The following FGF12 variants were observed in gnomAD, a reference collection of about 807,000 sequenced individuals.
FGF12 encodes fibroblast growth factor 12.
Under a neutral mutation model 23.6 loss-of-function variants are expected in FGF12, and 14 were observed. The ratio of observed to expected loss-of-function variants is 0.59; its 90% CI spans 0.39 to 0.93. FGF12 has a LOEUF of 0.93. Among genes scored for constraint, FGF12 ranks in the 40% least tolerant of loss-of-function variants. FGF12 has a pLI of 0.00. For missense variants in FGF12, 175 were observed against 217.8 expected (o/e 0.80, Z 1.24); for synonymous variants, 62 against 77.3 (o/e 0.80, Z 1.04).
chr3:192,681,912 A>G (rs1021573127), intron 2 of FGF12, among the ~76,000 whole-genome samples: 2 of 152,180 alleles, frequency 1.3e-5, no homozygotes, highest in African/African-American at 2.4e-5. Context: ...TGCCCCAAGA[A>G]AAAAACACAC....
At chr3:192,276,699 C>G (rs780117279) in intron 4 of FGF12, among the ~76,000 whole-genome samples, 14 of 152,106 alleles carry the variant, frequency 9.2e-5, no homozygotes, top group Non-Finnish European at 2.1e-4. Context: ...CCCCATTTCC[C>G]TGAAGCCAGC....
chr3:192,288,136 A>G (rs1714558773), intron 4 of FGF12, among the ~76,000 whole-genome samples: 1 of 152,124 alleles, frequency 6.6e-6, no homozygotes, highest in Admixed American at 6.6e-5. Flanking sequence ...GGTAGAAGTG[A>G]CAAGTTTTCA....
At chr3:192,667,659 G>A (rs891482508) in intron 2 of FGF12, among the ~76,000 whole-genome samples, 6 of 150,606 alleles carry the variant, frequency 4.0e-5, no homozygotes, top group Non-Finnish European at 8.9e-5. Flanking sequence ...GCAAAGAGAC[G>A]GAGTGAGGGG....
chr3:192,426,943 ATACT>A (rs1185603485), intron 2 of FGF12, among the ~76,000 whole-genome samples: 1 of 152,214 alleles, frequency 6.6e-6, no homozygotes, highest in Non-Finnish European at 1.5e-5. Flanking sequence ...GGAAATAAAA[ATACT>A]TACTGATACG....
intron 2 of FGF12, among the ~76,000 whole-genome samples, chr3:192,483,424 G>GT (rs1368380819): frequency 1.3e-5 from 2 of 151,870 alleles, no homozygotes; most frequent in African/African-American, 4.8e-5. Context: ...ACAGCCACAC[G>GT]TAAAAAAAAT....
At chr3:192,302,759 T>C (rs1377058901) in intron 4 of FGF12, among the ~76,000 whole-genome samples, 2 of 152,196 alleles carry the variant, frequency 1.3e-5, no homozygotes, top group Non-Finnish European at 2.9e-5. Flanking sequence ...GAGAGGTACA[T>C]GTGGAAAGTT....
chr3:192,230,160 A>T (rs2108583255), intron 4 of FGF12, among the ~76,000 whole-genome samples: 1 of 152,250 alleles, frequency 6.6e-6, no homozygotes, highest in Non-Finnish European at 1.5e-5. Context: ...AGACTTATTC[A>T]CATGTAAGTT....
intron 5 of FGF12, among the ~76,000 whole-genome samples, chr3:192,169,957 A>C (rs1351521814): frequency 2.0e-5 from 3 of 150,100 alleles, no homozygotes; most frequent in African/African-American, 7.4e-5. Context: ...AATACGGTAA[A>C]TATAAAAGTA....
intron 2 of FGF12, among the ~76,000 whole-genome samples, chr3:192,682,984 A>G (rs1358931621): frequency 6.6e-6 from 1 of 152,266 alleles, no homozygotes; most frequent in African/African-American, 2.4e-5. Context: ...GAGAGGGCAT[A>G]AAAGCTCAAT....
intron 2 of FGF12, among the ~76,000 whole-genome samples, chr3:192,606,514 TG>T (rs1313872164): frequency 6.6e-6 from 1 of 152,234 alleles, no homozygotes; most frequent in Non-Finnish European, 1.5e-5. Context: ...ATGCACCCCC[TG>T]CATCTAAAAT....
chr3:192,561,730 A>G (rs1051644342), intron 2 of FGF12, among the ~76,000 whole-genome samples: 1 of 152,148 alleles, frequency 6.6e-6, no homozygotes. Context: ...CTATGTTACA[A>G]ACGATTAGAA....
intron 2 of FGF12, among the ~76,000 whole-genome samples, chr3:192,660,482 C>A (rs1716620529): frequency 6.7e-6 from 1 of 148,452 alleles, no homozygotes. Flanking sequence ...GCACGTTGTG[C>A]ACATGTACCC....
intron 4 of FGF12, among the ~76,000 whole-genome samples, chr3:192,218,380 G>A (rs1718305744): frequency 6.6e-6 from 1 of 152,110 alleles, no homozygotes; most frequent in Admixed American, 6.5e-5. Context: ...AATGTTGGAG[G>A]AAGGGTTTGT....
At chr3:192,315,606 A>G (rs1716187133) in intron 4 of FGF12, among the ~76,000 whole-genome samples, 1 of 152,208 alleles carries the variant, frequency 6.6e-6, no homozygotes. Context: ...AAAAATAAGT[A>G]GCCAATACTT....
chr3:192,192,230 A>AGT (rs1466323651), intron 4 of FGF12, among the ~76,000 whole-genome samples: 1 of 152,066 alleles, frequency 6.6e-6, no homozygotes, highest in African/African-American at 2.4e-5. Flanking sequence ...TTTTCTTACA[A>AGT]GTTGATCAAA....
intron 4 of FGF12, among the ~76,000 whole-genome samples, chr3:192,186,555 C>T (rs1716481677): frequency 6.6e-6 from 1 of 152,164 alleles, no homozygotes; most frequent in Admixed American, 6.5e-5. Context: ...ATTTCTTCTT[C>T]AGATCATCAA....
intron 5 of FGF12, among the ~76,000 whole-genome samples, chr3:192,161,227 G>A (rs1714852804): frequency 6.6e-6 from 1 of 151,936 alleles, no homozygotes; most frequent in Non-Finnish European, 1.5e-5. Context: ...CAAATTATTT[G>A]GCCAGCTCAA....
Position 192,604,743 on chromosome 3 carries a change from A to G in FGF12, c.13+122438T>C, listed in dbSNP as rs184713032. Among the ~76,000 whole-genome samples the G allele has an allele frequency of 1.2e-4, 18 of 152,342 alleles. No individual in the cohort carries two copies. In the East Asian group the frequency reaches 2.7e-3, roughly 23 times the overall value. On this transcript the variant is annotated intron_variant, in intron 2 of 5. Coordinates refer to ENST00000445105, the MANE Select transcript of FGF12 (RefSeq NM_004113.6). Reference sequence around the variant, plus strand: ...TATGCAACCACAAAAGAGCCTGAATAGCAAAAACAATCCTAAGCAAAAAGA... The same window carrying G: ...TATGCAACCACAAAAGAGCCTGAATGGCAAAAACAATCCTAAGCAAAAAGA...
chr3:192,689,178 G>T (rs573051259), intron 2 of FGF12, among the ~76,000 whole-genome samples: 8 of 152,244 alleles, frequency 5.3e-5, no homozygotes, highest in African/African-American at 9.6e-5. Context: ...ACCAGAGTAA[G>T]GTGACTACAG....
Sources: allele counts gnomAD v4.1 joint callset (sites outside exome capture counted in the v4.1 genomes callset), GRCh38; gene constraint gnomAD v4.1.1; transcripts MANE v1.5; gene names NCBI Gene and HGNC (gene_info 2026-07-23, HGNC 2026-07-21).